The following POLI variants were observed in gnomAD, a reference collection of about 807,000 sequenced individuals.
POLI encodes the protein DNA polymerase iota.
Under a neutral mutation model 51.6 loss-of-function variants are expected in POLI, and 58 were observed. That is an observed-to-expected ratio of 1.12 (90% CI 0.91 to 1.40). POLI has a LOEUF of 1.40. Ranked by LOEUF, POLI falls within the 40% of genes most tolerant of loss-of-function variation. The probability of loss-of-function intolerance (pLI) is 0.00; values close to 1 mark genes in which losing one functional copy is unlikely to be tolerated. For missense variants in POLI, 921 were observed against 871.3 expected, an observed-to-expected ratio of 1.06 and a Z score of -0.72; for synonymous variants, 322 against 299.7, an observed-to-expected ratio of 1.07 and a Z score of -0.77.
rs2088317290 is a variant in POLI, at chr18:54,296,201, A to G, written c.*1734A>G. On this transcript the variant is annotated 3_prime_UTR_variant, in exon 10 of 10. Coordinates refer to ENST00000579534, the MANE Select transcript of POLI (RefSeq NM_007195.3). ...TTATAGTCCTTGTAATGATTTCAGGACCTTGGACAGCTAGAAGGGGCTTAA... is the reference window on the plus strand; with the variant it reads ...TTATAGTCCTTGTAATGATTTCAGGGCCTTGGACAGCTAGAAGGGGCTTAA... The G allele has an allele frequency of 1.0e-6, 1 of 984,980 alleles. No individual in the cohort carries two copies. Among genetic ancestry groups the G allele is most frequent in the Non-Finnish European group, 1.2e-6 (1 of 829,650 alleles). 61.0% of individuals were successfully genotyped at this position (984,980 alleles called of 1,614,324 possible). A position where few individuals can be genotyped will look rare whatever the true frequency, so the allele number is the denominator to read the frequency against.
At chr18:54,302,383 G>A (rs879877804), downstream of POLI, among the ~76,000 whole-genome samples, 2 of 152,100 alleles carry the variant, frequency 1.3e-5, no homozygotes, top group Non-Finnish European at 2.9e-5. Flanking sequence ...CTCTAGAGGA[G>A]AGTAAAAAAA....
intron 8 of POLI, among the ~76,000 whole-genome samples, chr18:54,289,347 A>G (rs622333): frequency 0.069 from 10,503 of 152,016 alleles, 427 homozygotes; most frequent in African/African-American, 0.088. Flanking sequence ...CTGCCAGTGG[A>G]TAAGTGTATG....
intron 7 of POLI, among the ~76,000 whole-genome samples, chr18:54,286,720 G>GA (rs999135805): frequency 6.6e-6 from 1 of 152,042 alleles, no homozygotes; most frequent in African/African-American, 2.4e-5. Flanking sequence ...GAGGTGGGGG[G>GA]ATCACCTGAG....
Position 54,291,960 on chromosome 18 carries a change from T to C in POLI, c.1326T>C (p.Asn442=). ...GCTTCTGCAACCTTAAAGCACTAAA[T>C]ACTGCTAAGAAAGGGCTTATTGATT... ...SVCFCNLKAL[N]TAKKGLIDYY... Residue 442 remains asparagine, a synonymous_variant, in exon 9 of 10, where the codon AAT becomes AAC. Transcript: ENST00000579534. The C allele has an allele frequency of 6.2e-7, 1 of 1,611,228 alleles. No homozygotes were observed.
At position 54,283,985 on chromosome 18, in the gene POLI, G is replaced by A; in HGVS notation, c.1039G>A (p.Glu347Lys). ...SSEVEAKNKI[E>K]ELLASLLNRV... ...TGAAGTTGAAGCTAAAAATAAGATT[G>A]AAGAACTACTTGCTAGTCTTTTAAA... Residue 347 changes from glutamate to lysine, a missense_variant, in exon 7 of 10, where the codon GAA becomes AAA. Coordinates refer to ENST00000579534, the MANE Select transcript of POLI (RefSeq NM_007195.3). The A allele has an allele frequency of 6.8e-7, 1 of 1,477,690 alleles. No individual in the cohort carries two copies. The highest frequency in any genetic ancestry group is 9.4e-7 in the Non-Finnish European group (1 of 1,065,148). The allele number at this position is 1,477,690 out of a possible 1,614,324, so 91.5% of individuals were successfully genotyped here.
intron 3 of POLI, among the ~76,000 whole-genome samples, chr18:54,304,949 G>A (rs1252388757): frequency 5.3e-5 from 8 of 152,196 alleles, no homozygotes; most frequent in Non-Finnish European, 1.2e-4. Context: ...TAAGGTGTAA[G>A]GAAGGGATCC....
At position 54,296,940 on chromosome 18, in the gene POLI, T is replaced by C; in HGVS notation, c.*2473T>C. Reference sequence around the variant, plus strand: ...ATTTAAGGTTATTATTGCATATCATTGTGACTTATTTCCTTGAGTATGTGT... The same window carrying C: ...ATTTAAGGTTATTATTGCATATCATCGTGACTTATTTCCTTGAGTATGTGT... On this transcript the variant is annotated 3_prime_UTR_variant, in exon 10 of 10. Coordinates refer to ENST00000579534, the MANE Select transcript of POLI (RefSeq NM_007195.3). 3 of 977,064 alleles carry C rather than the reference T, an allele frequency of 3.1e-6. No individual in the cohort carries two copies. The highest frequency in any genetic ancestry group is 3.6e-6 in the Non-Finnish European group (3 of 822,346). The allele number at this position is 977,064 out of a possible 1,614,324, so 60.5% of individuals were successfully genotyped here.
intron 3 of POLI, among the ~76,000 whole-genome samples, chr18:54,319,432 G>A (rs1319715626): frequency 5.9e-5 from 9 of 152,032 alleles, no homozygotes; most frequent in African/African-American, 1.7e-4. Context: ...ATAATTTCTC[G>A]ATAAGACTAT....
In POLI at chr18:54,269,665, C is replaced by T. The variant is rs1274860822; in HGVS notation, c.115+4C>T. On this transcript the variant is annotated splice_donor_region_variant and intron_variant, in intron 1 of 9. Coordinates refer to ENST00000579534, the MANE Select transcript of POLI (RefSeq NM_007195.3). ...GGGGCGGCAGCCAGCTCGCAGGGTG[C>T]GCCGCAGCCAGAGGAGCCAGCGGCC... The T allele has an allele frequency of 3.1e-5, 47 of 1,501,734 alleles. No homozygotes were observed. The highest frequency in any genetic ancestry group is 4.1e-5 in the Non-Finnish European group (46 of 1,129,624). 93.0% of individuals were successfully genotyped at this position (1,501,734 alleles called of 1,614,324 possible). A position where few individuals can be genotyped will look rare whatever the true frequency, so the allele number is the denominator to read the frequency against.
chr18:54,289,398 C>T (rs956587808), intron 8 of POLI, among the ~76,000 whole-genome samples: 1 of 152,082 alleles, frequency 6.6e-6, no homozygotes, highest in Non-Finnish European at 1.5e-5. Flanking sequence ...TTTTCCCATA[C>T]TGCCCAAAGT....
Position 54,297,656 on chromosome 18 carries a change from A to G in POLI, c.*3189A>G, listed in dbSNP as rs1264753438. On this transcript the variant is annotated 3_prime_UTR_variant, in exon 10 of 10. Transcript: ENST00000579534. ...AGTTGGGTTTTCTATTTAATCATAT[A>G]TTTTCCCTTTACTGATTTGGAATGT... 2 of 978,620 alleles carry G rather than the reference A, an allele frequency of 2.0e-6. No homozygotes were observed. Among genetic ancestry groups the G allele is most frequent in the Non-Finnish European group, 1.2e-6 (1 of 823,910 alleles). The allele number at this position is 978,620 out of a possible 1,614,324, so 60.6% of individuals were successfully genotyped here. A position where few individuals can be genotyped will look rare whatever the true frequency, so the allele number is the denominator to read the frequency against.
At chr18:54,314,375 A>G (rs1164317510) in intron 3 of POLI, among the ~76,000 whole-genome samples, 1 of 152,152 alleles carries the variant, frequency 6.6e-6, no homozygotes, top group Non-Finnish European at 1.5e-5. Context: ...TCAGATTGTT[A>G]GTATTTTGTT....
rs1428740571 is a variant in POLI at position 54,283,090 on chromosome 18, C to T, written c.975+75C>T. 9 of 916,354 alleles carry T rather than the reference C, an allele frequency of 9.8e-6. No homozygotes were observed. In the East Asian group the frequency reaches 1.6e-4, roughly 16 times the overall value. 56.8% of individuals were successfully genotyped at this position (916,354 alleles called of 1,614,324 possible). A position where few individuals can be genotyped will look rare whatever the true frequency, so the allele number is the denominator to read the frequency against. ...AGATAAAGATTTCTAGTTTTAGTACCATGTTCTTACTATTCTAGTTTGCTT... is the reference window on the plus strand; with the variant it reads ...AGATAAAGATTTCTAGTTTTAGTACTATGTTCTTACTATTCTAGTTTGCTT... On this transcript the variant is annotated intron_variant, in intron 6 of 9. Transcript: ENST00000579534.
chr18:54,294,166 C>G lies in POLI; in HGVS notation c.1922C>G (p.Pro641Arg). The change falls in exon 10 of 10, where the codon CCT (proline) becomes CGT (arginine). Residue 641 changes from proline (P) to arginine (R), a missense_variant. Physicochemically the swap from Pro to Arg is moderately radical, Grantham distance 103. Transcript: ENST00000579534. ...CGAATAAGTCAAGGACCTAAAGAACCTCAAGGATTCCACTTTACAAATTCA... is the reference window on the plus strand; with the variant it reads ...CGAATAAGTCAAGGACCTAAAGAACGTCAAGGATTCCACTTTACAAATTCA... ...DERISQGPKE[P>R]QGFHFTNSNP... 1 of 1,612,312 alleles carries G rather than the reference C, an allele frequency of 6.2e-7. No individual in the cohort carries two copies. The highest frequency in any genetic ancestry group is 1.1e-5 in the South Asian group (1 of 91,022).
At chr18:54,280,541 G>A (rs2087447717) in intron 4 of POLI, 126 bp from the exon 5 acceptor site, 4 of 644,796 alleles carry the variant, frequency 6.2e-6, no homozygotes, top group Non-Finnish European at 1.1e-5. Flanking sequence ...ACCAGGTGAT[G>A]ATGGTGGTGG....
At chr18:54,315,689 C>T (rs1012445746) in intron 3 of POLI, among the ~76,000 whole-genome samples, 1 of 152,006 alleles carries the variant, frequency 6.6e-6, no homozygotes, top group East Asian at 1.9e-4. Context: ...TGAATTGAAC[C>T]CTTTGTCATT....
At chr18:54,291,797 TTAATTA>T in intron 8 of POLI, 30 bp from the exon 9 acceptor site, 1 of 962,088 alleles carries the variant, frequency 1.0e-6, no homozygotes, top group South Asian at 1.5e-5. Flanking sequence ...GCTCTTAATA[TTAATTA>T]TAATGTTTAT....
At chr18:54,315,544 T>A (rs2088723385) in intron 3 of POLI, among the ~76,000 whole-genome samples, 2 of 152,154 alleles carry the variant, frequency 1.3e-5, no homozygotes, top group Admixed American at 1.3e-4. Flanking sequence ...ATGTACTGTC[T>A]AACACTGTCA....
At chr18:54,308,113 A>G (rs2088617763) in intron 3 of POLI, among the ~76,000 whole-genome samples, 1 of 151,984 alleles carries the variant, frequency 6.6e-6, no homozygotes, top group African/African-American at 2.4e-5. Flanking sequence ...TGTGAATTTG[A>G]TCCTGTTATT....
Sources: gnomAD v4.1 joint callset for allele counts (sites outside exome capture counted in the v4.1 genomes callset) on GRCh38, gnomAD v4.1.1 for gene constraint, MANE v1.5 for transcripts, NCBI Gene and HGNC (gene_info 2026-07-23, HGNC 2026-07-21) for gene names.